EPB41L1: variants seen among roughly 807,000 people sequenced by gnomAD.
The protein encoded by EPB41L1 is band 4.1-like protein 1.
EPB41L1 carries 29 observed loss-of-function variants against 97.8 expected under a neutral mutation model. That is an observed-to-expected ratio of 0.30 (90% CI 0.22 to 0.40). The LOEUF is 0.40. Among genes scored for constraint, EPB41L1 ranks in the 10% least tolerant of loss-of-function variants. The pLI is 1.00. For missense variants in EPB41L1, 812 were observed against 1,162.3 expected (o/e 0.70, Z 4.38); for synonymous variants, 383 against 459.2 (o/e 0.83, Z 2.12).
At chr20:36,095,485 T>C (rs2057799907) in intron 1 of EPB41L1, among the ~76,000 whole-genome samples, 2 of 152,230 alleles carry the variant, frequency 1.3e-5, no homozygotes, top group Admixed American at 6.5e-5. Context: ...AGCTTCTTTA[T>C]GTGAAAGGGT....
At chr20:36,094,123 CTGTG>C (rs984771475) in intron 1 of EPB41L1, among the ~76,000 whole-genome samples, 2 of 152,182 alleles carry the variant, frequency 1.3e-5, no homozygotes, top group Non-Finnish European at 2.9e-5. Flanking sequence ...TGTGTCCTCC[CTGTG>C]TACTTCTTGT....
intron 19 of EPB41L1, 152 bp downstream of exon 19, chr20:36,219,996 G>A (rs2063683817): frequency 1.3e-6 from 1 of 790,134 alleles, no homozygotes; most frequent in Admixed American, 2.0e-5. Flanking sequence ...TTTGTCCTGT[G>A]CCACATGTTG....
intron 5 of EPB41L1, among the ~76,000 whole-genome samples, chr20:36,179,784 C>T (rs2061402235): frequency 6.6e-6 from 1 of 152,330 alleles, no homozygotes; most frequent in South Asian, 2.1e-4. Flanking sequence ...GCTGACTCTG[C>T]AGGAGGGGGC....
chr20:36,186,989 G>A (rs78275410), intron 7 of EPB41L1, among the ~76,000 whole-genome samples: 1,588 of 152,274 alleles, frequency 0.01, 31 homozygotes, highest in African/African-American at 0.036. Context: ...GTTACTCAAT[G>A]TCTCTGTGCC....
intron 1 of EPB41L1, among the ~76,000 whole-genome samples, chr20:36,106,582 C>T (rs1482561938): frequency 2.0e-5 from 3 of 152,108 alleles, no homozygotes; most frequent in African/African-American, 7.2e-5. Context: ...TGTGTGGGCA[C>T]CAGAGGTAAA....
At chr20:36,224,655 ATAAAAT>A (rs1393009770) in intron 21 of EPB41L1, among the ~76,000 whole-genome samples, 4 of 152,234 alleles carry the variant, frequency 2.6e-5, no homozygotes, top group Non-Finnish European at 5.9e-5. Context: ...CAAAAATAAA[ATAAAAT>A]TAAATTAATT....
intron 6 of EPB41L1, among the ~76,000 whole-genome samples, chr20:36,182,752 A>G (rs1346891552): frequency 6.6e-6 from 1 of 152,262 alleles, no homozygotes; most frequent in Non-Finnish European, 1.5e-5. Context: ...GCAAACTTTA[A>G]AAAAACATAG....
chr20:36,210,108 C>G (rs1034842351), intron 15 of EPB41L1, among the ~76,000 whole-genome samples: 1 of 152,198 alleles, frequency 6.6e-6, no homozygotes, highest in African/African-American at 2.4e-5. Context: ...GTATTTTAAC[C>G]CTGTGACCCC....
intron 1 of EPB41L1, among the ~76,000 whole-genome samples, chr20:36,111,280 T>C (rs1478141556): frequency 6.6e-6 from 1 of 152,094 alleles, no homozygotes; most frequent in Admixed American, 6.6e-5. Context: ...TTCACCTGAG[T>C]TTCACATTTT....
rs1026665766 is a variant in EPB41L1 at position 36,129,357 on chromosome 20, G to A, written c.-10+16877G>A. 2.0e-5 allele frequency among the ~76,000 whole-genome samples: 3 copies of A among 149,548 alleles called. No individual in the cohort carries two copies. The East Asian group carries it at 5.8e-4, about 29-fold the overall frequency. On this transcript the variant is annotated intron_variant, in intron 2 of 19. Coordinates refer to the EPB41L1 transcript ENST00000202028. ...GGTGTGGTAAGTTACCGCTTCTCCT[G>A]GGGGGAGCCTGGTTTGCATTGTAAA...
At chr20:36,155,670 G>A (rs2145514791) in intron 1 of EPB41L1, 6 of 455,956 alleles carry the variant, frequency 1.3e-5, no homozygotes, top group Non-Finnish European at 2.2e-5. Flanking sequence ...TCTGGACAAG[G>A]ACCAAAAGGG....
intron 6 of EPB41L1, among the ~76,000 whole-genome samples, chr20:36,183,907 C>A (rs2061569466): frequency 6.6e-6 from 1 of 151,938 alleles, no homozygotes; most frequent in Admixed American, 6.6e-5. Flanking sequence ...ATAATGTCAC[C>A]AAGTAGTAAG....
chr20:36,191,375 T>C (rs551847817), intron 11 of EPB41L1, among the ~76,000 whole-genome samples: 1 of 152,276 alleles, frequency 6.6e-6, no homozygotes, highest in Admixed American at 6.5e-5. Context: ...ACTGTCCCCA[T>C]TTCTATTGGA....
At chr20:36,168,985 T>A (rs1479622425) in intron 1 of EPB41L1, among the ~76,000 whole-genome samples, 1 of 151,224 alleles carries the variant, frequency 6.6e-6, no homozygotes, top group Non-Finnish European at 1.5e-5. Flanking sequence ...CCTAGCACTT[T>A]GGGAGGCCAA....
Position 36,222,375 on chromosome 20 carries a change from A to G in EPB41L1, c.2618A>G (p.Glu873Gly). Residue 873 changes from glutamate to glycine, a missense_variant, in exon 21 of 22, where the codon GAG (glutamate) becomes GGG (glycine). Physicochemically the swap from Glu to Gly is moderately conservative, Grantham distance 98 (BLOSUM62 -2). This residue lies in a region of EPB41L1 where 498 missense variants were observed against 622.7 expected (regional missense o/e 0.80). Coordinates refer to ENST00000338074, the MANE Select transcript of EPB41L1 (RefSeq NM_012156.2). ...AGAGAAACAGACCCATCCCCAGAGG[A>G]GAGGGACAAGAAGCCACAGGTAAGG... ...VYRETDPSPE[E>G]RDKKPQES 1 of 1,613,968 alleles carries G rather than the reference A, an allele frequency of 6.2e-7. No homozygotes were observed. Among genetic ancestry groups the G allele is most frequent in the East Asian group, 2.2e-5 (1 of 44,874 alleles).
intron 3 of EPB41L1, among the ~76,000 whole-genome samples, chr20:36,175,925 C>T (rs1456900896): frequency 6.6e-6 from 1 of 152,114 alleles, no homozygotes; most frequent in Non-Finnish European, 1.5e-5. Flanking sequence ...TAGAATTAGA[C>T]GAGGTACAGG....
intron 2 of EPB41L1, among the ~76,000 whole-genome samples, chr20:36,143,855 C>G (rs368240668): frequency 4.8e-5 from 7 of 145,316 alleles, no homozygotes; most frequent in African/African-American, 1.8e-4. Flanking sequence ...CTTTTTTTTT[C>G]TTTTTTCTTT....
chr20:36,143,845 C>CTTTTTT (rs11434146), intron 2 of EPB41L1, among the ~76,000 whole-genome samples: 1 of 150,804 alleles, frequency 6.6e-6, no homozygotes, highest in African/African-American at 2.4e-5. Flanking sequence ...TTTTCTTTTT[C>CTTTTTT]TTTTTTTTTC....
Position 36,214,370 on chromosome 20 carries a change from G to A in EPB41L1, c.2198G>A (p.Ser733Asn), listed in dbSNP as rs772875916. ...AMDNTQQVDG[S>N]ASVGREFIAT... ...TCCTCTGGTCAGCAGGTTGATGGGAGTGCCTCAGTGGGGAGGGAGTTCATA... is the reference window on the plus strand; with the variant it reads ...TCCTCTGGTCAGCAGGTTGATGGGAATGCCTCAGTGGGGAGGGAGTTCATA... Residue 733 changes from serine (S) to asparagine (N), a missense_variant, in exon 17 of 22, where the codon AGT becomes AAT. Coordinates refer to ENST00000338074, the MANE Select transcript of EPB41L1 (RefSeq NM_012156.2). 2 of 1,613,804 alleles carry A rather than the reference G, an allele frequency of 1.2e-6. No homozygotes were observed. Among genetic ancestry groups the A allele is most frequent in the Non-Finnish European group, 1.7e-6 (2 of 1,179,912 alleles).
Sources: allele counts gnomAD v4.1 joint callset (sites outside exome capture counted in the v4.1 genomes callset), GRCh38; gene constraint gnomAD v4.1.1; regional missense constraint gnomAD v4.1.1; transcripts MANE v1.5; gene names NCBI Gene and HGNC (gene_info 2026-07-23, HGNC 2026-07-21).